Variants in ABL2 observed in about 807,000 individuals in gnomAD.
ABL2 encodes ABL proto-oncogene 2, non-receptor tyrosine kinase.
A neutral mutation model predicts 107.7 loss-of-function variants in ABL2; 49 were observed. The ratio of observed to expected loss-of-function variants is 0.45; its 90% CI spans 0.36 to 0.58. The LOEUF is 0.58. Among genes scored for constraint, ABL2 ranks in the 20% least tolerant of loss-of-function variants. The pLI is 0.00. For synonymous variants in ABL2, 549 were observed against 548.6 expected (o/e 1.00, Z -0.01); for missense variants, 1,245 against 1,457.0 (o/e 0.85, Z 2.37).
intron 1 of ABL2, among the ~76,000 whole-genome samples, chr1:179,154,279 T>A (rs1172296106): frequency 6.6e-6 from 1 of 152,260 alleles, no homozygotes; most frequent in Non-Finnish European, 1.5e-5. Context: ...AATGAGTTTG[T>A]GATTTTTAAA....
intron 1 of ABL2, among the ~76,000 whole-genome samples, chr1:179,142,205 G>A (rs1657654156): frequency 6.6e-6 from 1 of 152,034 alleles, no homozygotes; most frequent in African/African-American, 2.4e-5. Context: ...ATTTAAGATG[G>A]GATAAGAGAA....
chr1:179,189,490 T>A (rs895489449), intron 1 of ABL2, among the ~76,000 whole-genome samples: 1 of 152,182 alleles, frequency 6.6e-6, no homozygotes, highest in Non-Finnish European at 1.5e-5. Flanking sequence ...ACAAGTTAAA[T>A]GTTACTTTCT....
At chr1:179,228,050 CAAAA>C (rs34070201) in intron 1 of ABL2, among the ~76,000 whole-genome samples, 1 of 63,370 alleles carries the variant, frequency 1.6e-5, no homozygotes. Context: ...ACTCCGTCTC[CAAAA>C]AAAAAAAAAA....
At position 179,103,904 on chromosome 1, in the gene ABL2, C is replaced by G. The variant is rs4651014; in HGVS notation, c.*3814G>C. 177,350 of 232,330 alleles carry G rather than the reference C, an allele frequency of 0.76. 68,924 individuals carry two copies. Among genetic ancestry groups the G allele is most frequent in the African/African-American group, 0.95 (43,073 of 45,404 alleles). The allele number at this position is 232,330 out of a possible 1,614,324, so 14.4% of individuals were successfully genotyped here. Reference sequence around the variant, plus strand: ...TTCTGCTAGTTTCTTAATCTATAAACCAAAGGGTTGGGGTACTGATAGTTT... The same window carrying G: ...TTCTGCTAGTTTCTTAATCTATAAAGCAAAGGGTTGGGGTACTGATAGTTT... On this transcript the variant is annotated 3_prime_UTR_variant, in exon 12 of 12. Transcript: ENST00000502732.
At chr1:179,215,329 G>A (rs1662503455) in intron 1 of ABL2, among the ~76,000 whole-genome samples, 1 of 152,146 alleles carries the variant, frequency 6.6e-6, no homozygotes, top group South Asian at 2.1e-4. Context: ...CTTCTAATAA[G>A]GGAATATGTA....
chr1:179,161,161 A>G (rs1054572800), intron 1 of ABL2, among the ~76,000 whole-genome samples: 1 of 152,176 alleles, frequency 6.6e-6, no homozygotes, highest in African/African-American at 2.4e-5. Context: ...AAAAAAAGCA[A>G]AAGACTTGAT....
intron 1 of ABL2, among the ~76,000 whole-genome samples, chr1:179,172,962 G>A (rs1659811509): frequency 6.6e-6 from 1 of 152,176 alleles, no homozygotes; most frequent in Admixed American, 6.5e-5. Flanking sequence ...GGCTGAGGCG[G>A]ATGGATCACT....
intron 1 of ABL2, among the ~76,000 whole-genome samples, chr1:179,211,349 C>A (rs986554303): frequency 1.3e-5 from 2 of 151,698 alleles, no homozygotes; most frequent in African/African-American, 2.4e-5. Context: ...GAGATGTAAT[C>A]CCTAAAAAAA....
intron 1 of ABL2, 68 bp downstream of exon 1, chr1:179,229,173 A>AACCCCCCCCCCCCC: frequency 4.5e-6 from 1 of 223,208 alleles, no homozygotes. Context: ...CCCGTCCGCC[A>AACCCCCCCCCCCCC]CCCACCCCGC....
chr1:179,228,007 G>A (rs1003657825), intron 1 of ABL2, among the ~76,000 whole-genome samples: 1 of 132,874 alleles, frequency 7.5e-6, no homozygotes, highest in Admixed American at 9.1e-5. Context: ...CCAAGATCAC[G>A]CCACTGCACT....
At chr1:179,116,701 G>C (rs1654666814) in intron 8 of ABL2, 1 of 152,932 alleles carries the variant, frequency 6.5e-6, no homozygotes, top group Non-Finnish European at 1.5e-5. Context: ...GTAGACACAG[G>C]GTTTTTCCAT....
chr1:179,143,479 C>T (rs1557952083), intron 1 of ABL2, among the ~76,000 whole-genome samples: 2 of 152,094 alleles, frequency 1.3e-5, no homozygotes, highest in African/African-American at 2.4e-5. Context: ...AGAAAGGAAA[C>T]GCCTAACAAG....
In ABL2 at chr1:179,126,405, T is replaced by A. The variant is rs1374444160; in HGVS notation, c.659A>T (p.Tyr220Phe). The A allele has an allele frequency of 1.2e-6, 2 of 1,614,080 alleles. No individual in the cohort carries two copies. The highest frequency in any genetic ancestry group is 8.5e-7 in the Non-Finnish European group (1 of 1,180,052). The change falls in exon 4 of 12, where the codon TAC (tyrosine) becomes TTC (phenylalanine). Residue 220 changes from tyrosine (Y) to phenylalanine (F), a missense_variant. This residue lies in a region of ABL2 where 320 missense variants were observed against 547.0 expected (regional missense o/e 0.59). Coordinates refer to ENST00000502732, the MANE Select transcript of ABL2 (RefSeq NM_007314.4). This position sits in a 1 kb window ranked among gnomAD's most constrained non-coding sequence, Gnocchi z 4.4. ...SLRYEGRVYH[Y>F]RINTTADGKV... ...GCCATCTGCAGTGGTATTGATCCTG[T>A]AGTGATACACACGTCCCTCGTACCT...
At position 179,110,408 on chromosome 1, in the gene ABL2, GAAC is replaced by G. The variant is rs1316625147; in HGVS notation, c.1696_1698del (p.Val566del). 2 of 1,614,140 alleles carry G rather than the reference GAAC, an allele frequency of 1.2e-6. No homozygotes were observed. The highest frequency in any genetic ancestry group is 1.7e-6 in the Non-Finnish European group (2 of 1,180,026). On this transcript the variant is annotated inframe_deletion, in exon 11 of 12. Transcript: ENST00000502732. ...AGTATAGGTAGCCGGGGCAGGTATG[GAAC>G]AACAGATGACGAGGAGGCGGCTCTC...
chr1:179,167,884 G>C (rs1571236244), intron 1 of ABL2, among the ~76,000 whole-genome samples: 1 of 152,302 alleles, frequency 6.6e-6, no homozygotes, highest in East Asian at 1.9e-4. Context: ...AGGAGACTGA[G>C]GCAGGAGAAA....
At chr1:179,147,665 G>A (rs1218897317) in intron 1 of ABL2, among the ~76,000 whole-genome samples, 7 of 152,218 alleles carry the variant, frequency 4.6e-5, no homozygotes, top group Non-Finnish European at 5.9e-5. Flanking sequence ...CTAAACAATG[G>A]TACACATGGA....
intron 1 of ABL2, among the ~76,000 whole-genome samples, chr1:179,140,910 G>A (rs1253082821): frequency 1.3e-5 from 2 of 151,964 alleles, no homozygotes; most frequent in Non-Finnish European, 2.9e-5. Flanking sequence ...TTGGGAGGCC[G>A]AGGTGGATCA....
At chr1:179,186,523 C>T (rs913838064) in intron 1 of ABL2, among the ~76,000 whole-genome samples, 5 of 150,838 alleles carry the variant, frequency 3.3e-5, no homozygotes, top group Non-Finnish European at 7.4e-5. Flanking sequence ...GGATTACAGG[C>T]GCCCACCACC....
At chr1:179,155,874 G>C (rs1658658243) in intron 1 of ABL2, among the ~76,000 whole-genome samples, 3 of 152,024 alleles carry the variant, frequency 2.0e-5, no homozygotes, top group Admixed American at 2.0e-4. Flanking sequence ...TGAATACACA[G>C]TGTCCTTCCC....
Sources: allele counts gnomAD v4.1 joint callset (sites outside exome capture counted in the v4.1 genomes callset), GRCh38; gene constraint gnomAD v4.1.1; regional missense constraint gnomAD v4.1.1; non-coding constraint Gnocchi (gnomAD v3.1); transcripts MANE v1.5; gene names NCBI Gene and HGNC (gene_info 2026-07-23, HGNC 2026-07-21).